PAQR5: variants seen among roughly 807,000 people sequenced by gnomAD.
The protein encoded by PAQR5 is membrane progestin receptor gamma.
PAQR5 carries 20 observed loss-of-function variants against 34.5 expected under a neutral mutation model. That is an observed-to-expected ratio of 0.58 (90% CI 0.41 to 0.84). The LOEUF is 0.84. PAQR5 is among the 40% of genes least tolerant of loss of function. PAQR5 has a pLI of 0.00. For synonymous variants in PAQR5, 131 were observed against 155.6 expected, an observed-to-expected ratio of 0.84 and a Z score of 1.18; for missense variants, 378 against 412.7, an observed-to-expected ratio of 0.92 and a Z score of 0.73.
At chr15:69,318,394 TC>T (rs2054002673) in intron 1 of PAQR5, among the ~76,000 whole-genome samples, 1 of 152,220 alleles carries the variant, frequency 6.6e-6, no homozygotes, top group African/African-American at 2.4e-5. Context: ...AGGCAGGTGA[TC>T]CCTCAGAGAT....
chr15:69,328,829 C>G (rs2054312331), intron 1 of PAQR5, among the ~76,000 whole-genome samples: 1 of 152,232 alleles, frequency 6.6e-6, no homozygotes, highest in Admixed American at 6.5e-5. Flanking sequence ...GGACTTTACC[C>G]AAGTCAGAGG....
chr15:69,397,740 G>C lies in PAQR5; in HGVS notation c.609+176G>C, dbSNP rs2056492134. The C allele has an allele frequency of 4.9e-6, 3 of 618,166 alleles. No individual in the cohort carries two copies. In the East Asian group the frequency reaches 8.1e-5, roughly 17 times the overall value. The allele number at this position is 618,166 out of a possible 1,614,324, so 38.3% of individuals were successfully genotyped here. ...CCTGTGGGTATTTCTCGTCAGGTGG[G>C]ACGAGAGACTGAGAAAATAAATAAG... On this transcript the variant is annotated intron_variant, in intron 7 of 8. Coordinates refer to ENST00000395407, the MANE Select transcript of PAQR5 (RefSeq NM_017705.4).
chr15:69,352,902 G>A (rs1292199609), intron 2 of PAQR5, among the ~76,000 whole-genome samples: 1 of 152,234 alleles, frequency 6.6e-6, no homozygotes. Context: ...GGGCAAAAGA[G>A]GTGAAGATAT....
chr15:69,353,847 C>T (rs2054989070), intron 2 of PAQR5, among the ~76,000 whole-genome samples: 1 of 152,164 alleles, frequency 6.6e-6, no homozygotes, highest in Non-Finnish European at 1.5e-5. Context: ...GGAGACACAA[C>T]AATGATTCCA....
In PAQR5 at chr15:69,404,000, T is replaced by A; in HGVS notation, c.*178T>A. 1.6e-6 allele frequency: 1 copy of A among 624,612 alleles called. No individual in the cohort carries two copies. The highest frequency in any genetic ancestry group is 2.7e-6 in the Non-Finnish European group (1 of 369,200). 38.7% of individuals were successfully genotyped at this position (624,612 alleles called of 1,614,324 possible). On this transcript the variant is annotated 3_prime_UTR_variant, in exon 9 of 9. Transcript: ENST00000395407. ...TGGGGAAATTTCTCTAAATGTACAC[T>A]GATTCTGTGTGTGTGATTTTAAAAG...
At chr15:69,316,635 G>T (rs1213116425) in intron 1 of PAQR5, among the ~76,000 whole-genome samples, 1 of 152,166 alleles carries the variant, frequency 6.6e-6, no homozygotes, top group Non-Finnish European at 1.5e-5. Context: ...CATGTCCCTG[G>T]TCATAAGTTA....
intron 3 of PAQR5, among the ~76,000 whole-genome samples, chr15:69,364,963 C>T (rs1157754225): frequency 3.3e-5 from 5 of 152,140 alleles, no homozygotes; most frequent in Non-Finnish European, 7.4e-5. Flanking sequence ...GTCTTGAACC[C>T]CTGACCTCGT....
intron 1 of PAQR5, among the ~76,000 whole-genome samples, chr15:69,323,999 A>C (rs1477607037): frequency 6.6e-6 from 1 of 152,160 alleles, no homozygotes; most frequent in Non-Finnish European, 1.5e-5. Context: ...GTTACCCACC[A>C]GTTCTGTTGC....
intron 1 of PAQR5, among the ~76,000 whole-genome samples, chr15:69,329,463 CTTTTTTTTTTTT>C (rs1038357937): frequency 6.8e-5 from 5 of 73,760 alleles, no homozygotes; most frequent in Non-Finnish European, 9.4e-5. Context: ...TTTTTTCTTT[CTTTTTTTTTTTT>C]TTTTTTTTTT....
chr15:69,320,166 G>T (rs1414856263), intron 1 of PAQR5, among the ~76,000 whole-genome samples: 1 of 152,234 alleles, frequency 6.6e-6, no homozygotes, highest in Admixed American at 6.5e-5. Flanking sequence ...GACCCCGCCT[G>T]CTGCACCCAC....
intron 1 of PAQR5, among the ~76,000 whole-genome samples, chr15:69,324,948 G>T (rs113454341): frequency 1.3e-5 from 2 of 150,680 alleles, no homozygotes; most frequent in African/African-American, 2.4e-5. Context: ...GCCCAGGCTG[G>T]AGTGCAGTGG....
At chr15:69,384,265 G>C (rs1342466899) in intron 4 of PAQR5, among the ~76,000 whole-genome samples, 4 of 140,048 alleles carry the variant, frequency 2.9e-5, no homozygotes, top group African/African-American at 8.1e-5. Context: ...GGTGGAGGGT[G>C]AGTGGGCCTC....
intron 3 of PAQR5, among the ~76,000 whole-genome samples, chr15:69,361,446 C>T (rs1172197264): frequency 2.0e-5 from 3 of 152,150 alleles, no homozygotes; most frequent in African/African-American, 7.2e-5. Flanking sequence ...TGGTCACTTC[C>T]ATCACGAGGG....
chr15:69,382,698 ATATATATGTATGTATG>A (rs1567032600), intron 4 of PAQR5, among the ~76,000 whole-genome samples: 1 of 83,980 alleles, frequency 1.2e-5, no homozygotes, highest in Non-Finnish European at 2.5e-5. Context: ...ATATATATAT[ATATATATGTATGTATG>A]TATATATGTA....
At chr15:69,354,108 G>A (rs1186730833) in intron 2 of PAQR5, among the ~76,000 whole-genome samples, 2 of 152,140 alleles carry the variant, frequency 1.3e-5, no homozygotes, top group African/African-American at 4.8e-5. Flanking sequence ...CCCAATCTAG[G>A]CAGTACTAAC....
intron 1 of PAQR5, among the ~76,000 whole-genome samples, chr15:69,323,378 A>G (rs1293823896): frequency 6.6e-6 from 1 of 152,236 alleles, no homozygotes; most frequent in Non-Finnish European, 1.5e-5. Flanking sequence ...CCTTCGGCTC[A>G]GGGAAATGGG....
At chr15:69,336,941 A>G (rs917110769) in intron 1 of PAQR5, among the ~76,000 whole-genome samples, 1 of 152,326 alleles carries the variant, frequency 6.6e-6, no homozygotes, top group African/African-American at 2.4e-5. Context: ...AATAGTGGCT[A>G]TAGACTTTTG....
chr15:69,366,672 G>A lies in PAQR5; in HGVS notation c.51+6541G>A, dbSNP rs56290416. ...TAAGTGTGCCGATAAATAATGTATAGTCTCCAGTTGTTGGAGGAAGTATTC... is the reference window on the plus strand; with the variant it reads ...TAAGTGTGCCGATAAATAATGTATAATCTCCAGTTGTTGGAGGAAGTATTC... On this transcript the variant is annotated intron_variant, in intron 3 of 8. Coordinates refer to ENST00000395407, the MANE Select transcript of PAQR5 (RefSeq NM_017705.4). 4.6e-3 allele frequency among the ~76,000 whole-genome samples: 696 copies of A among 152,230 alleles called. 5 individuals are homozygous for A. The highest frequency in any genetic ancestry group is 0.015 in the African/African-American group (642 of 41,550).
At chr15:69,344,413 C>T (rs1278088529) in intron 2 of PAQR5, among the ~76,000 whole-genome samples, 1 of 152,178 alleles carries the variant, frequency 6.6e-6, no homozygotes, top group African/African-American at 2.4e-5. Context: ...TGCTAATTAG[C>T]AAGCCCCCTG....
Sources: gnomAD v4.1 joint callset for allele counts (sites outside exome capture counted in the v4.1 genomes callset) on GRCh38, gnomAD v4.1.1 for gene constraint, MANE v1.5 for transcripts, NCBI Gene and HGNC (gene_info 2026-07-23, HGNC 2026-07-21) for gene names.